MTUS2: variants seen among roughly 807,000 people sequenced by gnomAD.
MTUS2 encodes microtubule associated scaffold protein 2, also known as microtubule-associated tumor suppressor candidate 2.
In MTUS2, 40 loss-of-function variants were observed where a neutral mutation model predicts 114.1. The observed-to-expected ratio is 0.35, with a 90% CI of 0.27 to 0.46. The LOEUF (loss-of-function observed/expected upper bound fraction) is 0.46. Among genes scored for constraint, MTUS2 ranks in the 20% least tolerant of loss-of-function variants. The pLI is 1.00. For missense variants in MTUS2, 1,679 were observed against 1,705.4 expected, an observed-to-expected ratio of 0.98 and a Z score of 0.27; for synonymous variants, 688 against 672.0, an observed-to-expected ratio of 1.02 and a Z score of -0.37.
chr13:29,465,793 G>T (rs1026220653), intron 9 of MTUS2, among the ~76,000 whole-genome samples: 1 of 152,178 alleles, frequency 6.6e-6, no homozygotes, highest in Non-Finnish European at 1.5e-5. Context: ...CCTGGCCTCT[G>T]CTCCATAAGG....
chr13:29,377,865 A>G (rs3125708), intron 8 of MTUS2, among the ~76,000 whole-genome samples: 92,579 of 152,028 alleles, frequency 0.61, 29,107 homozygotes, highest in East Asian at 0.75. Context: ...TGATAAACCT[A>G]TAGTAAGACT....
intron 5 of MTUS2, among the ~76,000 whole-genome samples, chr13:29,216,253 G>A (rs764872248): frequency 2.6e-4 from 39 of 152,294 alleles, no homozygotes; most frequent in Middle Eastern, 3.4e-3. Context: ...GTCCCAGGTC[G>A]ATTCAGAGTG....
chr13:29,433,294 A>G (rs1877146803), intron 8 of MTUS2, among the ~76,000 whole-genome samples: 1 of 152,150 alleles, frequency 6.6e-6, no homozygotes, highest in African/African-American at 2.4e-5. Flanking sequence ...CTTCTAATAC[A>G]CGGTATGACT....
In MTUS2 at chr13:28,904,377, A is replaced by G. The variant is rs559193571; in HGVS notation, c.-243+64527A>G. ...GCCTAGGTTTTCTTCTGGGGTTTTT[A>G]TGGTTTTAGGTCTAACATGTAAGTC... is the stretch of plus-strand genomic sequence containing the variant. On this transcript the variant is annotated intron_variant, in intron 2 of 15. Transcript: ENST00000612955. 3.4e-3 allele frequency among the ~76,000 whole-genome samples: 512 copies of G among 152,204 alleles called. 2 individuals are homozygous for G. The highest frequency in any genetic ancestry group is 0.012 in the African/African-American group (484 of 41,510).
At chr13:29,031,348 A>C (rs1000983539) in intron 3 of MTUS2, among the ~76,000 whole-genome samples, 2 of 151,190 alleles carry the variant, frequency 1.3e-5, no homozygotes, top group Non-Finnish European at 2.9e-5. Context: ...CAATATATAT[A>C]TCTCATATGT....
At chr13:29,318,493 T>C (rs1174287065) in intron 6 of MTUS2, among the ~76,000 whole-genome samples, 1 of 151,234 alleles carries the variant, frequency 6.6e-6, no homozygotes, top group Non-Finnish European at 1.5e-5. Context: ...GTTAGTGACT[T>C]TCTGGTGAGT....
intron 5 of MTUS2, among the ~76,000 whole-genome samples, chr13:29,182,692 A>G (rs1894056538): frequency 6.6e-6 from 1 of 152,218 alleles, no homozygotes; most frequent in African/African-American, 2.4e-5. Context: ...AAATAAGTAC[A>G]TGCTAGTGTG....
intron 5 of MTUS2, among the ~76,000 whole-genome samples, chr13:29,215,765 G>A (rs1358665572): frequency 1.3e-5 from 2 of 152,118 alleles, no homozygotes; most frequent in African/African-American, 2.4e-5. Context: ...TCCCAGAGGG[G>A]CACCTGCCAC....
At chr13:29,201,362 G>T (rs1489180914) in intron 5 of MTUS2, among the ~76,000 whole-genome samples, 6 of 150,774 alleles carry the variant, frequency 4.0e-5, no homozygotes, top group Non-Finnish European at 7.4e-5. Context: ...CCATTTGCTT[G>T]GTAAAAATTC....
chr13:28,872,063 A>C (rs1363992617), intron 2 of MTUS2, among the ~76,000 whole-genome samples: 1 of 152,206 alleles, frequency 6.6e-6, no homozygotes, highest in Non-Finnish European at 1.5e-5. Context: ...AAGAGAGGGA[A>C]GCATGTGAGC....
chr13:29,231,607 A>C (rs4146404), intron 5 of MTUS2, among the ~76,000 whole-genome samples: 116,214 of 152,168 alleles, frequency 0.76, 44,511 homozygotes, highest in East Asian at 0.89. Context: ...AGCTACATTC[A>C]ATAAACACTT....
At chr13:29,417,363 A>C (rs1293340481) in intron 8 of MTUS2, among the ~76,000 whole-genome samples, 1 of 152,182 alleles carries the variant, frequency 6.6e-6, no homozygotes, top group Non-Finnish European at 1.5e-5. Context: ...TTTCAACAGG[A>C]GATTTAGAGA....
chr13:28,955,005 C>G (rs1882989510), intron 2 of MTUS2, among the ~76,000 whole-genome samples: 1 of 152,170 alleles, frequency 6.6e-6, no homozygotes, highest in Admixed American at 6.5e-5. Flanking sequence ...TGCAAGAACA[C>G]TGTGGAGTCA....
intron 7 of MTUS2, among the ~76,000 whole-genome samples, chr13:29,338,155 G>T (rs75877487): frequency 0.075 from 11,470 of 152,042 alleles, 1,372 homozygotes; most frequent in African/African-American, 0.25. Flanking sequence ...TGAGCTAAAT[G>T]ATACACAGTT....
intron 4 of MTUS2, among the ~76,000 whole-genome samples, chr13:29,049,154 C>A (rs983713637): frequency 1.3e-5 from 2 of 152,200 alleles, no homozygotes; most frequent in African/African-American, 4.8e-5. Context: ...TTTTGCAACT[C>A]TTTGGCCAGT....
chr13:28,897,797 CAAG>C (rs921708992), intron 2 of MTUS2, among the ~76,000 whole-genome samples: 8 of 151,132 alleles, frequency 5.3e-5, no homozygotes, highest in African/African-American at 1.9e-4. Context: ...CATACTATCA[CAAG>C]GACAAAAAAC....
At chr13:28,854,389 A>G (rs1402298546) in intron 2 of MTUS2, among the ~76,000 whole-genome samples, 1 of 152,166 alleles carries the variant, frequency 6.6e-6, no homozygotes, top group Non-Finnish European at 1.5e-5. Flanking sequence ...ACCTGCTGAG[A>G]TTCTGTTCCC....
intron 6 of MTUS2, among the ~76,000 whole-genome samples, chr13:29,289,729 T>G (rs564489667): frequency 3.3e-5 from 5 of 152,216 alleles, no homozygotes; most frequent in African/African-American, 1.2e-4. Flanking sequence ...CCTCCCAAAG[T>G]GCTGGGATTA....
chr13:29,487,857 C>A, intron 10 of MTUS2, 43 bp from the exon 11 acceptor site: 2 of 1,466,916 alleles, frequency 1.4e-6, no homozygotes, highest in Non-Finnish European at 1.9e-6. Flanking sequence ...TTCTGTTCTC[C>A]AAGCAGCTCT....
Sources: gnomAD v4.1 joint callset for allele counts (sites outside exome capture counted in the v4.1 genomes callset) on GRCh38, gnomAD v4.1.1 for gene constraint, MANE v1.5 for transcripts, NCBI Gene and HGNC (gene_info 2026-07-23, HGNC 2026-07-21) for gene names.